The following ESR1 variants were observed in gnomAD, a reference collection of about 807,000 sequenced individuals.
ESR1 encodes estrogen receptor.
ESR1 carries 12 observed loss-of-function variants against 52.7 expected under a neutral mutation model. The ratio of observed to expected loss-of-function variants is 0.23; its 90% CI spans 0.15 to 0.37. ESR1 has a LOEUF of 0.37. ESR1 is among the 10% of genes least tolerant of loss of function. The pLI is 1.00. For missense variants in ESR1, 584 were observed against 779.7 expected (o/e 0.75, Z 2.99); for synonymous variants, 305 against 316.8 (o/e 0.96, Z 0.39).
exon 7 of ESR1, chr6:152,129,493 C>T (rs1272541652): frequency 2.6e-5 from 4 of 151,670 alleles, no homozygotes; most frequent in African/African-American, 9.7e-5. Context: ...GGATGCTCGT[C>T]ATTATCTTCA....
intron 4 of ESR1, among the ~76,000 whole-genome samples, chr6:151,949,400 G>A (rs1047587370): frequency 6.6e-6 from 1 of 152,202 alleles, no homozygotes; most frequent in Non-Finnish European, 1.5e-5. Flanking sequence ...GGGCTTCCCA[G>A]CACTCTGCTT....
rs556550759 is a variant in ESR1, at chr6:151,762,243, G to A, written c.-70-45600G>A. On this transcript the variant is annotated intron_variant, in intron 2 of 2. Coordinates refer to the ESR1 transcript ENST00000404742. ...CCGTTATCTATTCTTTCATGCATGG[G>A]CTTATCCTATGAGAAATAAACATTT... Among the ~76,000 whole-genome samples, 7 of 152,274 alleles carry A rather than the reference G, an allele frequency of 4.6e-5. 1 individual carries two copies. The East Asian group carries it at 1.3e-3, about 29-fold the overall frequency.
intron 2 of ESR1, among the ~76,000 whole-genome samples, chr6:151,771,328 G>C (rs777113382): frequency 6.6e-6 from 1 of 152,158 alleles, no homozygotes; most frequent in South Asian, 2.1e-4. Flanking sequence ...TGGGCACTTG[G>C]AGGCAATGAA....
At chr6:151,830,846 G>A (rs1380161634) in intron 1 of ESR1, among the ~76,000 whole-genome samples, 2 of 152,084 alleles carry the variant, frequency 1.3e-5, no homozygotes, top group Non-Finnish European at 2.9e-5. Flanking sequence ...CTTAAATTTT[G>A]AATGGTGAAT....
intron 4 of ESR1, among the ~76,000 whole-genome samples, chr6:151,957,744 A>G (rs1373576085): frequency 2.0e-5 from 3 of 151,180 alleles, no homozygotes; most frequent in African/African-American, 7.4e-5. Flanking sequence ...AATAAATCCT[A>G]TTTCAGATGT....
intron 3 of ESR1, among the ~76,000 whole-genome samples, chr6:151,906,314 C>T (rs770268399): frequency 6.6e-6 from 1 of 151,746 alleles, no homozygotes; most frequent in Non-Finnish European, 1.5e-5. Flanking sequence ...AAACAGAAGA[C>T]TTTTTTTAAA....
chr6:151,862,502 G>A (rs1789062848), intron 2 of ESR1, among the ~76,000 whole-genome samples: 1 of 152,172 alleles, frequency 6.6e-6, no homozygotes, highest in Non-Finnish European at 1.5e-5. Context: ...ACCAGGTGTA[G>A]CATGAAGGTT....
At position 152,099,200 on chromosome 6, in the gene ESR1, T is replaced by C. The variant is rs1035608687; in HGVS notation, c.*234T>C. 1.2e-5 allele frequency: 7 copies of C among 570,942 alleles called. No homozygotes were observed. The highest frequency in any genetic ancestry group is 2.2e-5 in the Non-Finnish European group (7 of 314,750). The allele number at this position is 570,942 out of a possible 1,614,324, so 35.4% of individuals were successfully genotyped here. A position where few individuals can be genotyped will look rare whatever the true frequency, so the allele number is the denominator to read the frequency against. ...GCTAAATCTTTGTAACAGCTCTCTTTCCCCCTTGCTATGTTACTAAGCGTG... is the reference window on the plus strand; with the variant it reads ...GCTAAATCTTTGTAACAGCTCTCTTCCCCCCTTGCTATGTTACTAAGCGTG... On this transcript the variant is annotated 3_prime_UTR_variant, in exon 8 of 8. Transcript: ENST00000206249.
chr6:151,743,455 T>C (rs1783248927), intron 2 of ESR1, among the ~76,000 whole-genome samples: 1 of 152,144 alleles, frequency 6.6e-6, no homozygotes, highest in South Asian at 2.1e-4. Flanking sequence ...CTAAAACAAA[T>C]TTTCAAGCAA....
chr6:151,937,712 TATA>T (rs1352976370), intron 3 of ESR1, among the ~76,000 whole-genome samples: 1 of 152,186 alleles, frequency 6.6e-6, no homozygotes, highest in African/African-American at 2.4e-5. Flanking sequence ...AATAATAATC[TATA>T]ATTACATAAA....
intron 4 of ESR1, among the ~76,000 whole-genome samples, chr6:151,968,619 A>G (rs1364348948): frequency 1.3e-5 from 2 of 151,742 alleles, no homozygotes; most frequent in East Asian, 3.9e-4. Context: ...CTTTCTCTCG[A>G]TTTTCCAGTG....
intron 5 of ESR1, among the ~76,000 whole-genome samples, chr6:152,037,821 C>T (rs2045441523): frequency 6.6e-6 from 1 of 152,180 alleles, no homozygotes; most frequent in Non-Finnish European, 1.5e-5. Flanking sequence ...CAAGACTCTT[C>T]ACCCTGATTT....
intron 3 of ESR1, among the ~76,000 whole-genome samples, chr6:151,923,123 A>G (rs1002653383): frequency 6.6e-6 from 1 of 152,218 alleles, no homozygotes; most frequent in Admixed American, 6.5e-5. Flanking sequence ...GTGTTTATAT[A>G]CAGTTCCTTT....
intron 4 of ESR1, among the ~76,000 whole-genome samples, chr6:151,956,851 T>TAA (rs1194251428): frequency 1.2e-5 from 1 of 83,618 alleles, no homozygotes; most frequent in Non-Finnish European, 3.1e-5. Flanking sequence ...TAAATATATA[T>TAA]ATATATATAT....
At chr6:151,742,068 A>G (rs953957941) in intron 2 of ESR1, among the ~76,000 whole-genome samples, 1 of 152,196 alleles carries the variant, frequency 6.6e-6, no homozygotes, top group Non-Finnish European at 1.5e-5. Context: ...TTAGCACAAT[A>G]ACCTCCACCA....
chr6:151,866,530 A>G (rs1263545187), intron 2 of ESR1, among the ~76,000 whole-genome samples: 2 of 148,744 alleles, frequency 1.3e-5, no homozygotes, highest in South Asian at 2.1e-4. Flanking sequence ...CCCTGTGTCC[A>G]TGTATTCTCA....
chr6:152,088,793 A>G (rs1253455767), intron 6 of ESR1, among the ~76,000 whole-genome samples: 1 of 152,242 alleles, frequency 6.6e-6, no homozygotes. Flanking sequence ...ATCCAGTTTC[A>G]GGTATTCTGT....
At chr6:151,902,269 A>G (rs1178011313) in intron 3 of ESR1, among the ~76,000 whole-genome samples, 2 of 152,100 alleles carry the variant, frequency 1.3e-5, no homozygotes, top group Non-Finnish European at 2.9e-5. Context: ...TTCCTGCTGT[A>G]TCACCTCACC....
At chr6:151,762,887 C>T (rs1784762316) in intron 2 of ESR1, among the ~76,000 whole-genome samples, 1 of 151,966 alleles carries the variant, frequency 6.6e-6, no homozygotes, top group Non-Finnish European at 1.5e-5. Context: ...TCGCAGTGAG[C>T]CGAGATCACG....
Sources: gnomAD v4.1 joint callset for allele counts (sites outside exome capture counted in the v4.1 genomes callset) on GRCh38, gnomAD v4.1.1 for gene constraint, MANE v1.5 for transcripts, NCBI Gene and HGNC (gene_info 2026-07-23, HGNC 2026-07-21) for gene names.